Variants in STYXL1 observed in about 807,000 individuals in gnomAD.
STYXL1 encodes serine/threonine/tyrosine interacting like 1.
Under a neutral mutation model 36.4 loss-of-function variants are expected in STYXL1, and 32 were observed. The observed-to-expected ratio is 0.88, with a 90% CI of 0.66 to 1.18. The LOEUF (loss-of-function observed/expected upper bound fraction) is 1.18. Among genes scored for constraint, STYXL1 ranks in the 50% most tolerant of loss-of-function variants. STYXL1 has a pLI of 0.00. For missense variants in STYXL1, 354 were observed against 394.1 expected (o/e 0.90, Z 0.86); for synonymous variants, 133 against 144.1 (o/e 0.92, Z 0.55).
At chr7:76,028,557 C>A in intron 3 of STYXL1, 85 bp downstream of exon 3, 2 of 1,290,144 alleles carry the variant, frequency 1.6e-6, no homozygotes, top group Non-Finnish European at 2.2e-6. Context: ...CTGCTGCCCG[C>A]TGGATTGAGG....
intron 1 of STYXL1, among the ~76,000 whole-genome samples, chr7:76,043,453 T>G (rs1400755307): frequency 6.6e-6 from 1 of 152,028 alleles, no homozygotes; most frequent in Non-Finnish European, 1.5e-5. Flanking sequence ...GAAGCCATTT[T>G]AAAGGAACTT....
chr7:75,999,509 G>GTGTGTA (rs782747902), intron 8 of STYXL1, among the ~76,000 whole-genome samples: 33,822 of 101,868 alleles, frequency 0.33, 4,522 homozygotes, highest in East Asian at 0.36. Context: ...GTGTGTGTGT[G>GTGTGTA]TATGTGTGTG....
chr7:76,020,931 C>A (rs1554575881), intron 4 of STYXL1, among the ~76,000 whole-genome samples: 1 of 152,078 alleles, frequency 6.6e-6, no homozygotes, highest in East Asian at 1.9e-4. Context: ...GTGAAATCAG[C>A]AAAGAAGGGA....
intron 1 of STYXL1, among the ~76,000 whole-genome samples, chr7:76,040,654 T>G (rs971383225): frequency 6.6e-6 from 1 of 152,074 alleles, no homozygotes; most frequent in Non-Finnish European, 1.5e-5. Context: ...CTGACCAACA[T>G]GGTAAAACCT....
chr7:76,031,132 G>C (rs1454069450), intron 1 of STYXL1, among the ~76,000 whole-genome samples: 1 of 150,878 alleles, frequency 6.6e-6, no homozygotes, highest in African/African-American at 2.4e-5. Flanking sequence ...TTGCACTCCA[G>C]CCTGGGTGAC....
chr7:76,038,438 T>TTTC (rs1796146527), intron 1 of STYXL1, among the ~76,000 whole-genome samples: 1 of 149,754 alleles, frequency 6.7e-6, no homozygotes, highest in African/African-American at 2.4e-5. Context: ...TTTTTTTTTT[T>TTTC]TCCTGAGACG....
At chr7:76,004,680 G>A (rs1244811329) in intron 6 of STYXL1, among the ~76,000 whole-genome samples, 1 of 150,790 alleles carries the variant, frequency 6.6e-6, no homozygotes, top group African/African-American at 2.4e-5. Context: ...CTCCAGCCTG[G>A]GTGACAGAGC....
chr7:76,017,640 C>T (rs1451019513), intron 4 of STYXL1, among the ~76,000 whole-genome samples: 1 of 151,686 alleles, frequency 6.6e-6, no homozygotes, highest in Non-Finnish European at 1.5e-5. Context: ...AATCCCAATA[C>T]TTTGGGAGGC....
intron 5 of STYXL1, among the ~76,000 whole-genome samples, chr7:76,006,130 G>A (rs542742097): frequency 1.8e-4 from 27 of 152,136 alleles, no homozygotes; most frequent in Admixed American, 1.4e-3. Context: ...GAGTGCAAGT[G>A]GCTCAATCAT....
intron 6 of STYXL1, among the ~76,000 whole-genome samples, chr7:76,004,302 C>G (rs1036699415): frequency 6.6e-6 from 1 of 152,150 alleles, no homozygotes; most frequent in Non-Finnish European, 1.5e-5. Context: ...CCATTTTGGC[C>G]AGGCTGGTCA....
At chr7:76,014,878 A>C (rs1793083505) in intron 4 of STYXL1, among the ~76,000 whole-genome samples, 1 of 152,264 alleles carries the variant, frequency 6.6e-6, no homozygotes, top group African/African-American at 2.4e-5. Flanking sequence ...CATATAGACC[A>C]ATGGAACAAA....
chr7:76,000,484 C>T lies in STYXL1; in HGVS notation c.810+406G>A, dbSNP rs142830063. 683 of 458,464 alleles carry T rather than the reference C, an allele frequency of 1.5e-3. 3 individuals are homozygous for T. The highest frequency in any genetic ancestry group is 6.2e-3 in the Middle Eastern group (19 of 3,082). The allele number at this position is 458,464 out of a possible 1,614,324, so 28.4% of individuals were successfully genotyped here. A position where few individuals can be genotyped will look rare whatever the true frequency, so the allele number is the denominator to read the frequency against. On this transcript the variant is annotated intron_variant, in intron 8 of 8. Coordinates refer to ENST00000359697, the MANE Select transcript of STYXL1 (RefSeq NM_001317785.2). Reference sequence around the variant, plus strand: ...CTCCGAGTTCCGCCTGGGTTTGCTGCGATGGGTCCCTGCTTCCCTCTCTTC... The same window carrying T: ...CTCCGAGTTCCGCCTGGGTTTGCTGTGATGGGTCCCTGCTTCCCTCTCTTC...
At chr7:76,001,792 ATTT>A (rs71082373) in intron 7 of STYXL1, among the ~76,000 whole-genome samples, 1 of 96,946 alleles carries the variant, frequency 1.0e-5, no homozygotes, top group African/African-American at 4.2e-5. Flanking sequence ...ACTGCGCCTG[ATTT>A]TTTTTTTTTT....
chr7:76,047,953 G>T lies in STYXL1; in HGVS notation c.-296C>A, dbSNP rs534282023. On this transcript the variant is annotated 5_prime_UTR_variant, in exon 1 of 9. Transcript: ENST00000359697. ...CTACGCTAGAACCCAGCCAAACACC[G>T]GGGTTGCCAGGATGGTCCCACAGCT... 117 of 1,454,218 alleles carry T rather than the reference G, an allele frequency of 8.0e-5. No homozygotes were observed. Among genetic ancestry groups the T allele is most frequent in the Non-Finnish European group, 1.0e-4 (111 of 1,104,018 alleles). The allele number at this position is 1,454,218 out of a possible 1,614,324, so 90.1% of individuals were successfully genotyped here. A position where few individuals can be genotyped will look rare whatever the true frequency, so the allele number is the denominator to read the frequency against.
intron 5 of STYXL1, among the ~76,000 whole-genome samples, chr7:76,010,531 C>A (rs1554571924): frequency 6.6e-6 from 1 of 152,142 alleles, no homozygotes; most frequent in Non-Finnish European, 1.5e-5. Context: ...TGGCTGCGTT[C>A]TCTGGGAGAT....
intron 4 of STYXL1, among the ~76,000 whole-genome samples, chr7:76,020,623 A>G (rs571493989): frequency 1.3e-5 from 2 of 152,280 alleles, no homozygotes; most frequent in East Asian, 3.9e-4. Flanking sequence ...TATGTCCACA[A>G]CACTTTTAAA....
In STYXL1 at chr7:76,042,011, T is replaced by C. The variant is rs577476986; in HGVS notation, c.-5+5651A>G. Among the ~76,000 whole-genome samples the C allele has an allele frequency of 3.3e-5, 5 of 152,316 alleles. No individual in the cohort carries two copies. The South Asian group carries it at 1.0e-3, about 32-fold the overall frequency. On this transcript the variant is annotated intron_variant, in intron 1 of 8. Transcript: ENST00000359697. The stretch of plus-strand genomic sequence containing the variant: ...ATGAAAACCGTAGATCAATAAATAA[T>C]TCCCTTGTCGAGATTGATGTGTTTA...
intron 4 of STYXL1, among the ~76,000 whole-genome samples, chr7:76,017,657 G>A (rs376266930): frequency 4.0e-5 from 6 of 151,544 alleles, no homozygotes; most frequent in African/African-American, 7.3e-5. Context: ...AGGCCAAGGC[G>A]GGTGCATCAT....
At chr7:76,042,344 G>A (rs981223197) in intron 1 of STYXL1, among the ~76,000 whole-genome samples, 4 of 139,722 alleles carry the variant, frequency 2.9e-5, no homozygotes, top group South Asian at 2.3e-4. Flanking sequence ...GCCACTGGCT[G>A]TGAGTCGCCC....
Sources: allele counts gnomAD v4.1 joint callset (sites outside exome capture counted in the v4.1 genomes callset), GRCh38; gene constraint gnomAD v4.1.1; transcripts MANE v1.5; gene names NCBI Gene and HGNC (gene_info 2026-07-23, HGNC 2026-07-21).